PCDHA13: variants seen among roughly 807,000 people sequenced by gnomAD.
PCDHA13 encodes protocadherin alpha 13, also known as protocadherin alpha-13.
A neutral mutation model predicts 64.8 loss-of-function variants in PCDHA13; 54 were observed. The observed-to-expected ratio is 0.83, with a 90% CI of 0.67 to 1.04. The LOEUF (loss-of-function observed/expected upper bound fraction) is 1.04. Among genes scored for constraint, PCDHA13 ranks in the 50% least tolerant of loss-of-function variants. The pLI is 0.00. For missense variants in PCDHA13, 1,248 were observed against 1,254.3 expected, an observed-to-expected ratio of 0.99 and a Z score of 0.08; for synonymous variants, 587 against 564.4, an observed-to-expected ratio of 1.04 and a Z score of -0.57.
In PCDHA13 at chr5:141,010,121, T is replaced by C; in HGVS notation, c.*184T>C. The C allele has an allele frequency of 1.2e-6, 2 of 1,606,996 alleles. No homozygotes were observed. The highest frequency in any genetic ancestry group is 1.7e-6 in the Non-Finnish European group (2 of 1,176,140). On this transcript the variant is annotated 3_prime_UTR_variant, in exon 4 of 4. Transcript: ENST00000289272. ...ACAGGTTTTGTCGTAAAAGCTTTAC[T>C]AAGTCTGGTGTTAACTCTTTCTCTC... is the stretch of plus-strand genomic sequence containing the variant.
intron 1 of PCDHA13, among the ~76,000 whole-genome samples, chr5:140,920,608 G>A (rs2153558027): frequency 6.6e-6 from 1 of 152,286 alleles, no homozygotes; most frequent in Non-Finnish European, 1.5e-5. Flanking sequence ...CACTTTGGGA[G>A]GCCGAGGCGG....
chr5:140,921,440 G>C (rs1026829665), intron 1 of PCDHA13, among the ~76,000 whole-genome samples: 1 of 152,056 alleles, frequency 6.6e-6, no homozygotes, highest in South Asian at 2.1e-4. Flanking sequence ...CTTCAATGGT[G>C]TCTGAAAAGG....
At chr5:140,886,916 G>A (rs1170747823) in intron 1 of PCDHA13, among the ~76,000 whole-genome samples, 1 of 151,436 alleles carries the variant, frequency 6.6e-6, no homozygotes, top group Non-Finnish European at 1.5e-5. Flanking sequence ...CTTATTGAGT[G>A]TTCTCTATGT....
At chr5:140,951,047 A>T (rs2094543631) in intron 1 of PCDHA13, among the ~76,000 whole-genome samples, 1 of 151,878 alleles carries the variant, frequency 6.6e-6, no homozygotes, top group Non-Finnish European at 1.5e-5. Flanking sequence ...TTATATTTTT[A>T]TTGCTAAAAT....
At chr5:140,967,390 G>A (rs2096135950) in intron 1 of PCDHA13, 2 of 1,609,752 alleles carry the variant, frequency 1.2e-6, no homozygotes, top group African/African-American at 1.3e-5. Context: ...AAGTGCTTGA[G>A]CTGGTGCTGC....
intron 1 of PCDHA13, among the ~76,000 whole-genome samples, chr5:140,943,614 A>G (rs1269579212): frequency 6.6e-6 from 1 of 152,220 alleles, no homozygotes; most frequent in Admixed American, 6.5e-5. Context: ...ACTTTGATTC[A>G]TCTGCATAAG....
At position 140,943,102 on chromosome 5, in the gene PCDHA13, A is replaced by G. The variant is rs142380810; in HGVS notation, c.2395-35847A>G. 2.6e-3 allele frequency among the ~76,000 whole-genome samples: 391 copies of G among 151,972 alleles called. 4 individuals are homozygous for G. In the East Asian group the frequency reaches 0.045, roughly 17 times the overall value. ...TGAAATCCTGCCTCTACTAAAAAAT[A>G]CAAAAATTAGCCAGGTGTGGTAGTG... On this transcript the variant is annotated intron_variant, in intron 1 of 3. Transcript: ENST00000289272.
chr5:140,892,536 A>G (rs916916323), intron 1 of PCDHA13, among the ~76,000 whole-genome samples: 1 of 152,208 alleles, frequency 6.6e-6, no homozygotes, highest in African/African-American at 2.4e-5. Flanking sequence ...CAGGATTCTG[A>G]CTTTTGTTTC....
chr5:140,917,837 T>G (rs2078388052), intron 1 of PCDHA13, among the ~76,000 whole-genome samples: 1 of 152,174 alleles, frequency 6.6e-6, no homozygotes, highest in Non-Finnish European at 1.5e-5. Context: ...GATGTCCTTC[T>G]TGTTCTTTTT....
chr5:140,990,555 G>C (rs1176257375), intron 3 of PCDHA13, among the ~76,000 whole-genome samples: 1 of 152,130 alleles, frequency 6.6e-6, no homozygotes, highest in African/African-American at 2.4e-5. Context: ...TATTACCCAA[G>C]AACACACACC....
intron 1 of PCDHA13, among the ~76,000 whole-genome samples, chr5:140,889,588 GA>G (rs2062289236): frequency 6.6e-6 from 1 of 151,768 alleles, no homozygotes; most frequent in East Asian, 1.9e-4. Context: ...TTTTTGCTTT[GA>G]AATATTTTTA....
intron 1 of PCDHA13, among the ~76,000 whole-genome samples, chr5:140,912,310 A>G (rs936183695): frequency 4.0e-5 from 6 of 151,764 alleles, no homozygotes; most frequent in African/African-American, 1.2e-4. Context: ...AATCCAGTCA[A>G]GTTGACCCTC....
rs79215949 is a variant in PCDHA13 at position 140,921,420 on chromosome 5, C to T, written c.2394+36758C>T. Among the ~76,000 whole-genome samples, 1,220 of 152,204 alleles carry T rather than the reference C, an allele frequency of 8.0e-3. 6 individuals carry two copies. The highest frequency in any genetic ancestry group is 0.019 in the African/African-American group (786 of 41,526). On this transcript the variant is annotated intron_variant, in intron 1 of 3. Coordinates refer to ENST00000289272, the MANE Select transcript of PCDHA13 (RefSeq NM_018904.3). Reference sequence around the variant, plus strand: ...ACTAGATTTTCCTCTGTGCTGCAGACAAAAATTTTCTTCAATGGTGTCTGA... The same window carrying T: ...ACTAGATTTTCCTCTGTGCTGCAGATAAAAATTTTCTTCAATGGTGTCTGA...
intron 1 of PCDHA13, among the ~76,000 whole-genome samples, chr5:140,944,227 G>A (rs1472509213): frequency 6.6e-6 from 1 of 152,046 alleles, no homozygotes; most frequent in Non-Finnish European, 1.5e-5. Flanking sequence ...TTACTCTGTC[G>A]CTCAGGCTGG....
At chr5:140,942,900 GA>G (rs1383279314) in intron 1 of PCDHA13, among the ~76,000 whole-genome samples, 1 of 151,718 alleles carries the variant, frequency 6.6e-6, no homozygotes, top group Non-Finnish European at 1.5e-5. Context: ...TTATCTCTAA[GA>G]ATAAGCGTGA....
Position 140,882,762 on chromosome 5 carries a change from A to G in PCDHA13, c.494A>G (p.Asn165Ser), listed in dbSNP as rs2059298878. 1.9e-6 allele frequency: 3 copies of G among 1,614,200 alleles called. No individual in the cohort carries two copies. The East Asian group carries it at 6.7e-5, about 36-fold the overall frequency. Residue 165 changes from asparagine (N) to serine (S), a missense_variant, in exon 1 of 4, where the codon AAC becomes AGC. By Grantham distance (46) the Asn-to-Ser change is conservative. Transcript: ENST00000289272. The part of the protein sequence containing the change: ...DGASDADIGV[N>S]SALTYRLDPN... ...GCATCCGATGCAGATATTGGAGTAA[A>G]CTCGGCATTGACCTACCGACTGGAT... is the stretch of plus-strand genomic sequence containing the variant.
At chr5:140,893,771 T>C (rs1428542584) in intron 1 of PCDHA13, among the ~76,000 whole-genome samples, 1 of 152,186 alleles carries the variant, frequency 6.6e-6, no homozygotes, top group African/African-American at 2.4e-5. Flanking sequence ...CTTGTCACTT[T>C]TCTTTTACCG....
chr5:140,911,052 G>T (rs1172408042), intron 1 of PCDHA13, among the ~76,000 whole-genome samples: 1 of 152,044 alleles, frequency 6.6e-6, no homozygotes, highest in Non-Finnish European at 1.5e-5. Context: ...AGGGGTGGTG[G>T]GGGGTGGGTC....
intron 1 of PCDHA13, among the ~76,000 whole-genome samples, chr5:140,939,276 C>T (rs146183157): frequency 6.6e-6 from 1 of 152,174 alleles, no homozygotes; most frequent in Non-Finnish European, 1.5e-5. Flanking sequence ...GAGAGCTGTG[C>T]CCTCGTGATC....
Sources: allele counts gnomAD v4.1 joint callset (sites outside exome capture counted in the v4.1 genomes callset), GRCh38; gene constraint gnomAD v4.1.1; transcripts MANE v1.5; gene names NCBI Gene and HGNC (gene_info 2026-07-23, HGNC 2026-07-21).